Variants in HPX observed in about 807,000 individuals in gnomAD.
The protein encoded by HPX is beta-1B-glycoprotein.
Under a neutral mutation model 53.8 loss-of-function variants are expected in HPX, and 42 were observed. That is an observed-to-expected ratio of 0.78 (90% CI 0.61 to 1.01). The LOEUF (loss-of-function observed/expected upper bound fraction) is 1.01, where lower values mean the gene tolerates loss of function less well. HPX is among the 50% of genes least tolerant of loss of function. HPX has a pLI of 0.00. For missense variants in HPX, 547 were observed against 594.3 expected (o/e 0.92, Z 0.83); for synonymous variants, 229 against 221.1 (o/e 1.04, Z -0.32).
At position 6,440,969 on chromosome 11, in the gene HPX, G is replaced by C. The variant is rs780729320; in HGVS notation, c.-6C>G. 22 of 1,596,740 alleles carry C rather than the reference G, an allele frequency of 1.4e-5. No homozygotes were observed. In the East Asian group the frequency reaches 4.5e-4, roughly 33 times the overall value. On this transcript the variant is annotated 5_prime_UTR_variant, in exon 1 of 10. Transcript: ENST00000265983. ...GCTCCCAGTACCCTAGCCATGCTGA[G>C]CTGCAGAGGCCACAGGACAGCTCTG...
At chr11:6,435,735 C>T (rs1004844559) in intron 7 of HPX, among the ~76,000 whole-genome samples, 2 of 152,368 alleles carry the variant, frequency 1.3e-5, no homozygotes, top group African/African-American at 2.4e-5. Context: ...GGATTACAGG[C>T]GTGACTCACC....
At chr11:6,438,149 C>T (rs1389261139) in intron 5 of HPX, 11 of 608,116 alleles carry the variant, frequency 1.8e-5, no homozygotes, top group Admixed American at 3.0e-5. Context: ...ACTATTCACA[C>T]AGAATTACAC....
chr11:6,440,567 TAAAAAAAAAAAAAAAA>T lies in HPX; in HGVS notation c.143-45_143-30del, dbSNP rs71056749. Reference sequence around the variant, plus strand: ...GGGTGGAGGTAGGGAGATGGCAAAGTAAAAAAAAAAAAAAAAAAAAAAAAAAAAAAAAAAAACCAGA... The same window carrying T: ...GGGTGGAGGTAGGGAGATGGCAAAGTAAAAAAAAAAAAAAAAAAAACCAGA... On this transcript the variant is annotated intron_variant, in intron 2 of 9. Coordinates refer to ENST00000265983, the MANE Select transcript of HPX (RefSeq NM_000613.3). 1,356 of 588,842 alleles carry T rather than the reference TAAAAAAAAAAAAAAAA, an allele frequency of 2.3e-3. 1 individual carries two copies. The highest frequency in any genetic ancestry group is 2.6e-3 in the Non-Finnish European group (957 of 363,540). 36.5% of individuals were successfully genotyped at this position (588,842 alleles called of 1,614,324 possible).
intron 7 of HPX, 101 bp downstream of exon 7, chr11:6,436,945 A>G (rs1366035833): frequency 1.5e-6 from 2 of 1,343,326 alleles, no homozygotes; most frequent in East Asian, 2.3e-5. Flanking sequence ...AGGGGACAAA[A>G]TAAGTGACAC....
At position 6,431,987 on chromosome 11, in the gene HPX, CG is replaced by C. The variant is rs1849356868; in HGVS notation, c.865del (p.Arg289GlyfsTer42). 1 of 1,614,060 alleles carries C rather than the reference CG, an allele frequency of 6.2e-7. No homozygotes were observed. Among genetic ancestry groups the C allele is most frequent in the Admixed American group, 1.7e-5 (1 of 60,006 alleles). On this transcript the variant is annotated frameshift_variant, in exon 8 of 10. Transcript: ENST00000265983. LOFTEE classifies it high-confidence loss of function. ...GTHYWRLDTSRDGWHSWPIAH... is the reference protein window; with the variant it reads ...GTHYWRLDTSXDGWHSWPIAH... ...AATGGGCCAGCTATGCCAGCCATCC[CG>C]GCTGGTGTCCAGACGCCAGTAGTGG...
chr11:6,438,093 C>G, intron 5 of HPX: 1 of 537,166 alleles, frequency 1.9e-6, no homozygotes, highest in East Asian at 3.1e-5. Flanking sequence ...GTATGTAAGA[C>G]TAAAGAGGGT....
In HPX at chr11:6,440,291, A is replaced by G; in HGVS notation, c.215-5T>C. ...GACTCTTCCACACAAACTCCCCTGAAAAAACCCACACTCACTGAGGGGCCC... is the reference window on the plus strand; with the variant it reads ...GACTCTTCCACACAAACTCCCCTGAGAAAACCCACACTCACTGAGGGGCCC... On this transcript the variant is annotated splice_polypyrimidine_tract_variant and splice_region_variant and intron_variant, in intron 3 of 9. Coordinates refer to ENST00000265983, the MANE Select transcript of HPX (RefSeq NM_000613.3). 6.2e-7 allele frequency: 1 copy of G among 1,613,900 alleles called. No individual in the cohort carries two copies.
rs745474878 is a variant in HPX at position 6,431,914 on chromosome 11, G to C, written c.939C>G (p.Ser313=). 1 of 1,614,144 alleles carries C rather than the reference G, an allele frequency of 6.2e-7. No individual in the cohort carries two copies. Among genetic ancestry groups the C allele is most frequent in the South Asian group, 1.1e-5 (1 of 91,078 alleles). Residue 313 remains serine, a synonymous_variant, in exon 8 of 10, where the codon TCC becomes TCG. Coordinates refer to ENST00000265983, the MANE Select transcript of HPX (RefSeq NM_000613.3). ...GGACCAGATAGAGTTTTTCTTCCCA[G>C]GAAAAGGCAGCATCCACTGCTGAAG... The part of the protein sequence containing the change: ...QGPSAVDAAF[S]WEEKLYLVQG...
intron 7 of HPX, among the ~76,000 whole-genome samples, chr11:6,434,303 C>T (rs1360733889): frequency 2.0e-5 from 3 of 152,096 alleles, no homozygotes; most frequent in Admixed American, 1.3e-4. Context: ...CTGAAATTAC[C>T]CTGCTCAGGA....
rs1466904738 is a variant in HPX at position 6,438,431 on chromosome 11, T to C, written c.415A>G (p.Ile139Val). The C allele has an allele frequency of 2.5e-6, 4 of 1,614,072 alleles. No homozygotes were observed. Among genetic ancestry groups the C allele is most frequent in the Non-Finnish European group, 3.4e-6 (4 of 1,179,914 alleles). ...PKLLQDEFPG[I>V]PSPLDAAVEC... is the part of the protein sequence containing the mutation. ...ACAGCTGCATCCAGTGGGGATGGGA[T>C]TCCAGGAAATTCATCTTGGAGCAAC... is the stretch of plus-strand genomic sequence containing the variant. The change falls in exon 5 of 10, where the codon ATC becomes GTC. Residue 139 changes from isoleucine (I) to valine (V), a missense_variant. Physicochemically the swap from Ile to Val is conservative, Grantham distance 29. Coordinates refer to ENST00000265983, the MANE Select transcript of HPX (RefSeq NM_000613.3).
At chr11:6,437,337 T>G in intron 6 of HPX, 103 bp downstream of exon 6, 4 of 1,368,220 alleles carry the variant, frequency 2.9e-6, no homozygotes, top group Non-Finnish European at 4.1e-6. Context: ...AGGGCCAAGG[T>G]GTCGCAACAC....
chr11:6,440,567 T>TGTAAAA, intron 2 of HPX, 29 bp from the exon 3 acceptor site: 1 of 589,000 alleles, frequency 1.7e-6, no homozygotes, highest in Non-Finnish European at 2.7e-6. Flanking sequence ...GATGGCAAAG[T>TGTAAAA]AAAAAAAAAA....
chr11:6,438,608 C>T (rs10500670), intron 4 of HPX, 99 bp from the exon 5 acceptor site: 240,925 of 1,046,056 alleles, frequency 0.23, 29,574 homozygotes, highest in African/African-American at 0.35. Context: ...ACGATATCCT[C>T]CTGTGGCCCT....
Position 6,437,615 on chromosome 11 carries a change from G to A in HPX, c.528C>T (p.Thr176=), listed in dbSNP as rs1159961544. 15 of 1,614,064 alleles carry A rather than the reference G, an allele frequency of 9.3e-6. No individual in the cohort carries two copies. The highest frequency in any genetic ancestry group is 1.6e-4 in the Middle Eastern group (1 of 6,084). The stretch of plus-strand genomic sequence containing the variant: ...CAGCTGGCCAGGAACGCTCCTTCAT[G>A]GTTCCCGTAGCCAAGTCCCAGAACC... ...REWFWDLATG[T]MKERSWPAVG... is the part of the protein sequence containing the mutation. The change falls in exon 6 of 10, where the codon ACC becomes ACT. Residue 176 remains threonine (T), a synonymous_variant. Transcript: ENST00000265983.
Position 6,437,583 on chromosome 11 carries a change from T to C in HPX, c.560A>G (p.Asn187Ser). 2 of 1,614,164 alleles carry C rather than the reference T, an allele frequency of 1.2e-6. No homozygotes were observed. The highest frequency in any genetic ancestry group is 2.2e-5 in the South Asian group (2 of 91,080). The change falls in exon 6 of 10, where the codon AAC (asparagine) becomes AGC (serine). Residue 187 changes from asparagine to serine, a missense_variant. Coordinates refer to ENST00000265983, the MANE Select transcript of HPX (RefSeq NM_000613.3). ...MKERSWPAVG[N>S]CSSALRWLGR... ...CAGCCATCTCAGGGCAGAGGAGCAG[T>C]TCCCAACAGCTGGCCAGGAACGCTC...
chr11:6,434,254 C>T (rs577746335), intron 7 of HPX, among the ~76,000 whole-genome samples: 4 of 152,312 alleles, frequency 2.6e-5, no homozygotes, highest in South Asian at 2.1e-4. Context: ...GAGTATACAG[C>T]GGTGACTGAC....
intron 3 of HPX, 69 bp downstream of exon 3, chr11:6,440,398 G>A: frequency 6.3e-7 from 1 of 1,589,932 alleles, no homozygotes; most frequent in South Asian, 1.1e-5. Flanking sequence ...ACCTCCCACA[G>A]ACAGGGACAC....
intron 7 of HPX, among the ~76,000 whole-genome samples, chr11:6,436,241 A>C (rs945008559): frequency 6.6e-6 from 1 of 152,154 alleles, no homozygotes; most frequent in Non-Finnish European, 1.5e-5. Context: ...GAGCCAAAAA[A>C]ATTTTGTGTG....
chr11:6,436,267 C>T (rs981162481), intron 7 of HPX, among the ~76,000 whole-genome samples: 8 of 152,138 alleles, frequency 5.3e-5, no homozygotes, highest in South Asian at 2.1e-4. Context: ...AATATTTTCA[C>T]GATTTTATAT....
Sources: gnomAD v4.1 joint callset for allele counts (sites outside exome capture counted in the v4.1 genomes callset) on GRCh38, gnomAD v4.1.1 for gene constraint, MANE v1.5 for transcripts, NCBI Gene and HGNC (gene_info 2026-07-23, HGNC 2026-07-21) for gene names.